Variants in TMEM132C observed in about 807,000 individuals in gnomAD.
TMEM132C encodes the protein protein phosphatase 1, regulatory subunit 152.
In TMEM132C, 29 loss-of-function variants were observed where a neutral mutation model predicts 61.4. The observed-to-expected ratio is 0.47, with a 90% CI of 0.35 to 0.64. The LOEUF (loss-of-function observed/expected upper bound fraction) is 0.64, where lower values mean the gene tolerates loss of function less well. TMEM132C is among the 30% of genes least tolerant of loss of function. TMEM132C has a pLI of 0.00. For missense variants in TMEM132C, 1,408 were observed against 1,476.9 expected (o/e 0.95, Z 0.76); for synonymous variants, 656 against 633.1 (o/e 1.04, Z -0.54).
chr12:128,425,854 C>T (rs187271673), intron 2 of TMEM132C, among the ~76,000 whole-genome samples: 14 of 152,194 alleles, frequency 9.2e-5, no homozygotes, highest in Admixed American at 2.0e-4. Context: ...TGAGACCCAC[C>T]CTCATCCAGA....
chr12:128,330,001 C>G (rs1330365142), intron 1 of TMEM132C, among the ~76,000 whole-genome samples: 2 of 152,132 alleles, frequency 1.3e-5, no homozygotes, highest in East Asian at 1.9e-4. Flanking sequence ...CCCTATGGCA[C>G]GAAGCGCTCT....
At chr12:128,577,578 C>T (rs900564893) in intron 3 of TMEM132C, among the ~76,000 whole-genome samples, 4 of 152,256 alleles carry the variant, frequency 2.6e-5, no homozygotes, top group African/African-American at 7.2e-5. Context: ...GAAAATGTTC[C>T]TTTCGGAAAC....
chr12:128,408,951 C>T (rs905976215), intron 1 of TMEM132C, among the ~76,000 whole-genome samples: 29 of 152,138 alleles, frequency 1.9e-4, no homozygotes, highest in African/African-American at 5.8e-4. Context: ...GCGGGTTGCA[C>T]AGGCTGCACT....
rs77959794 is a variant in TMEM132C at position 128,278,711 on chromosome 12, G to C, written c.85+11224G>C. ...TTTTGTCTTAACTTGTGTGGGCCAC[G>C]GTTCCCAGATATTTGTGCAGACTTG... On this transcript the variant is annotated intron_variant, in intron 1 of 8. Transcript: ENST00000435159. This position sits in a 1 kb window ranked among gnomAD's most constrained non-coding sequence, Gnocchi z 4.2. Among the ~76,000 whole-genome samples, 827 of 151,620 alleles carry C rather than the reference G, an allele frequency of 5.5e-3. 27 individuals carry two copies. The East Asian group carries it at 0.083, about 15-fold the overall frequency.
intron 4 of TMEM132C, among the ~76,000 whole-genome samples, chr12:128,623,529 G>A (rs372754840): frequency 8.3e-4 from 126 of 151,810 alleles, no homozygotes; most frequent in Non-Finnish European, 1.3e-3. Context: ...AACTTCAGCC[G>A]GGTGCATTGG....
intron 1 of TMEM132C, among the ~76,000 whole-genome samples, chr12:128,272,113 CGT>C (rs1870541877): frequency 6.6e-6 from 1 of 152,194 alleles, no homozygotes; most frequent in African/African-American, 2.4e-5. Flanking sequence ...CACACAGTCA[CGT>C]AAACATCACT....
chr12:128,329,296 A>G (rs912490407), intron 1 of TMEM132C, among the ~76,000 whole-genome samples: 1 of 152,086 alleles, frequency 6.6e-6, no homozygotes, highest in African/African-American at 2.4e-5. Context: ...AAATATATAT[A>G]TATACTTTTA....
chr12:128,617,308 C>T (rs1876839333), intron 4 of TMEM132C, among the ~76,000 whole-genome samples: 1 of 152,218 alleles, frequency 6.6e-6, no homozygotes, highest in Admixed American at 6.5e-5. Flanking sequence ...GTGGCCCCGG[C>T]AATGCCACGC....
At chr12:128,352,031 G>A (rs941225623) in intron 1 of TMEM132C, among the ~76,000 whole-genome samples, 8 of 152,144 alleles carry the variant, frequency 5.3e-5, no homozygotes. Context: ...CAGGAAAAAT[G>A]TCTTACTCAG....
At chr12:128,543,570 C>T (rs1873839129) in intron 2 of TMEM132C, among the ~76,000 whole-genome samples, 1 of 152,154 alleles carries the variant, frequency 6.6e-6, no homozygotes, top group Non-Finnish European at 1.5e-5. Context: ...CCCACACACA[C>T]AGCCATGACA....
chr12:128,473,919 T>G (rs921741011), intron 2 of TMEM132C, among the ~76,000 whole-genome samples: 1 of 152,220 alleles, frequency 6.6e-6, no homozygotes, highest in African/African-American at 2.4e-5. Context: ...ATTGACAGTT[T>G]CCAGGATGTT....
intron 4 of TMEM132C, among the ~76,000 whole-genome samples, chr12:128,665,348 CACAG>C (rs753975766): frequency 1.5e-3 from 229 of 150,050 alleles, no homozygotes; most frequent in South Asian, 3.6e-3. Context: ...CCCATGTGCA[CACAG>C]ACACACATAC....
Position 128,469,640 on chromosome 12 carries a change from T to TTGTGTGTGTG in TMEM132C, c.974+54034_974+54043dup, listed in dbSNP as rs745661735. Among the ~76,000 whole-genome samples, 18 of 146,706 alleles carry TTGTGTGTGTG rather than the reference T, an allele frequency of 1.2e-4. No homozygotes were observed. In the South Asian group the frequency reaches 3.5e-3, roughly 28 times the overall value. On this transcript the variant is annotated intron_variant, in intron 2 of 8. Coordinates refer to ENST00000435159, the MANE Select transcript of TMEM132C (RefSeq NM_001136103.3). ...GCTTGTATGCTTTGTGTGTGTGTGT[T>TTGTGTGTGTG]TGTGTGTGTGTGTGTGTGTGTGTAT...
At chr12:128,521,468 C>T (rs984184016) in intron 2 of TMEM132C, among the ~76,000 whole-genome samples, 12 of 150,396 alleles carry the variant, frequency 8.0e-5, no homozygotes, top group Admixed American at 3.3e-4. Context: ...CCCCACCCCC[C>T]AACAGGCCCC....
At chr12:128,318,882 C>T (rs1872234823) in intron 1 of TMEM132C, among the ~76,000 whole-genome samples, 1 of 152,156 alleles carries the variant, frequency 6.6e-6, no homozygotes, top group African/African-American at 2.4e-5. Flanking sequence ...AAGAGTACTC[C>T]AGCAGGAGTC....
chr12:128,631,560 G>A (rs983659845), intron 4 of TMEM132C, among the ~76,000 whole-genome samples: 8 of 152,230 alleles, frequency 5.3e-5, no homozygotes, highest in Admixed American at 3.3e-4. Flanking sequence ...ACGCATAGTG[G>A]AAGATTTTGA....
chr12:128,385,953 C>T (rs914154592), intron 1 of TMEM132C, among the ~76,000 whole-genome samples: 28 of 152,132 alleles, frequency 1.8e-4, no homozygotes, highest in African/African-American at 6.3e-4. Context: ...AAGGCTACCT[C>T]TTGATCACAG....
At position 128,306,937 on chromosome 12, in the gene TMEM132C, C is replaced by A. The variant is rs80100025; in HGVS notation, c.85+39450C>A. 8.7e-3 allele frequency among the ~76,000 whole-genome samples: 1,325 copies of A among 152,166 alleles called. 19 individuals are homozygous for A. Among genetic ancestry groups the A allele is most frequent in the African/African-American group, 0.029 (1,222 of 41,506 alleles). Reference sequence around the variant, plus strand: ...TCTTTAGCTGTAAGCAAAGAGTGAGCCCTACTAAAGAGGATATGGACTGGT... The same window carrying A: ...TCTTTAGCTGTAAGCAAAGAGTGAGACCTACTAAAGAGGATATGGACTGGT... On this transcript the variant is annotated intron_variant, in intron 1 of 8. Coordinates refer to ENST00000435159, the MANE Select transcript of TMEM132C (RefSeq NM_001136103.3).
intron 2 of TMEM132C, among the ~76,000 whole-genome samples, chr12:128,421,140 G>A (rs10773540): frequency 0.75 from 113,645 of 152,068 alleles, 44,146 homozygotes; most frequent in Non-Finnish European, 0.87. Context: ...TTTCATCCAT[G>A]AACCACCTCT....
Sources: allele counts gnomAD v4.1 joint callset (sites outside exome capture counted in the v4.1 genomes callset), GRCh38; gene constraint gnomAD v4.1.1; non-coding constraint Gnocchi (gnomAD v3.1); transcripts MANE v1.5; gene names NCBI Gene and HGNC (gene_info 2026-07-23, HGNC 2026-07-21).